Variants in SOX5 observed in about 807,000 individuals in gnomAD.
SOX5 encodes transcription factor SOX-5.
A neutral mutation model predicts 92.0 loss-of-function variants in SOX5; 9 were observed. That is an observed-to-expected ratio of 0.10 (90% CI 0.06 to 0.17). The LOEUF is 0.17. SOX5 is among the 10% of genes least tolerant of loss of function. SOX5 has a pLI of 1.00. For synonymous variants in SOX5, 344 were observed against 336.3 expected (o/e 1.02, Z -0.25); for missense variants, 642 against 944.5 (o/e 0.68, Z 4.20).
intron 2 of SOX5, among the ~76,000 whole-genome samples, chr12:24,338,841 T>C (rs1952226402): frequency 6.6e-6 from 1 of 152,156 alleles, no homozygotes; most frequent in African/African-American, 2.4e-5. Flanking sequence ...CCTTCCATCA[T>C]GATTGTGAGG....
intron 2 of SOX5, among the ~76,000 whole-genome samples, chr12:23,892,245 T>C (rs746797669): frequency 3.9e-5 from 6 of 152,100 alleles, no homozygotes; most frequent in Non-Finnish European, 7.4e-5. Context: ...TTGAACTGAG[T>C]CTTATGGGAG....
intron 3 of SOX5, among the ~76,000 whole-genome samples, chr12:23,822,120 C>G (rs1021730923): frequency 6.6e-6 from 1 of 152,136 alleles, no homozygotes; most frequent in Admixed American, 6.5e-5. Context: ...GTCTCTATCT[C>G]CTTCAGTTCT....
intron 7 of SOX5, among the ~76,000 whole-genome samples, chr12:23,656,908 T>C (rs2082374504): frequency 6.6e-6 from 1 of 152,046 alleles, no homozygotes; most frequent in Admixed American, 6.6e-5. Flanking sequence ...GTTTGTTTTC[T>C]ACAATTCTCC....
intron 4 of SOX5, among the ~76,000 whole-genome samples, chr12:24,053,301 T>A (rs1957759169): frequency 1.3e-5 from 2 of 151,928 alleles, no homozygotes. Context: ...CCAATTTTTT[T>A]ATACTGTTAG....
intron 8 of SOX5, among the ~76,000 whole-genome samples, chr12:23,621,294 A>C (rs1249236806): frequency 6.6e-6 from 1 of 152,082 alleles, no homozygotes; most frequent in African/African-American, 2.4e-5. Context: ...GGATGGGGGA[A>C]GAGGAAATAA....
At chr12:23,885,674 A>G (rs1177429692) in intron 2 of SOX5, among the ~76,000 whole-genome samples, 1 of 152,162 alleles carries the variant, frequency 6.6e-6, no homozygotes, top group East Asian at 1.9e-4. Flanking sequence ...TACATGGATC[A>G]TTCCTAAAAA....
At chr12:23,863,697 T>C (rs765741700) in intron 2 of SOX5, among the ~76,000 whole-genome samples, 12 of 152,120 alleles carry the variant, frequency 7.9e-5, no homozygotes, top group East Asian at 1.9e-4. Flanking sequence ...ATACTACTTA[T>C]AATTGGCTAC....
chr12:24,302,522 A>G (rs1565863686), intron 2 of SOX5, among the ~76,000 whole-genome samples: 1 of 152,164 alleles, frequency 6.6e-6, no homozygotes, highest in African/African-American at 2.4e-5. Flanking sequence ...GCAGGCTCTG[A>G]AAAAGTATAA....
chr12:23,950,176 A>G (rs1054330793), upstream of SOX5, among the ~76,000 whole-genome samples: 1 of 151,992 alleles, frequency 6.6e-6, no homozygotes, highest in Non-Finnish European at 1.5e-5. Flanking sequence ...AAAAAATTTA[A>G]TGTTAGTAAT....
At chr12:23,880,702 T>C (rs925515649) in intron 2 of SOX5, among the ~76,000 whole-genome samples, 3 of 152,210 alleles carry the variant, frequency 2.0e-5, no homozygotes, top group African/African-American at 7.2e-5. Context: ...TCTAGTTTTC[T>C]TGGGCTATCC....
rs567112366 is a variant in SOX5 at position 23,614,405 on chromosome 12, T to A, written c.1018-9872A>T. On this transcript the variant is annotated intron_variant, in intron 8 of 14. Coordinates refer to ENST00000451604, the MANE Select transcript of SOX5 (RefSeq NM_006940.6). ...TTTGTTGTCCCCACTACTGGGGCAA[T>A]GCTGGAAGAGACTGTAGAAAAAGAG... Among the ~76,000 whole-genome samples the A allele has an allele frequency of 6.2e-4, 94 of 152,356 alleles. 2 individuals carry two copies. The South Asian group carries it at 0.016, about 26-fold the overall frequency.
At chr12:23,701,029 T>A (rs1437567143) in intron 6 of SOX5, among the ~76,000 whole-genome samples, 1 of 151,962 alleles carries the variant, frequency 6.6e-6, no homozygotes, top group African/African-American at 2.4e-5. Flanking sequence ...GCTTACAAAT[T>A]AAAATTTACT....
At chr12:24,217,541 C>A (rs188117071) in intron 3 of SOX5, among the ~76,000 whole-genome samples, 17 of 152,220 alleles carry the variant, frequency 1.1e-4, no homozygotes, top group Non-Finnish European at 1.2e-4. Flanking sequence ...CTATAAAAGT[C>A]TTAGAAGAAA....
intron 4 of SOX5, among the ~76,000 whole-genome samples, chr12:24,046,715 TG>T (rs2137063269): frequency 6.6e-6 from 1 of 151,558 alleles, no homozygotes; most frequent in South Asian, 2.1e-4. Context: ...CTCTTGCTTT[TG>T]TTGCCCAGGC....
At chr12:23,946,821 T>C (rs1426372207) in intron 1 of SOX5, among the ~76,000 whole-genome samples, 2 of 152,132 alleles carry the variant, frequency 1.3e-5, no homozygotes, top group East Asian at 3.9e-4. Flanking sequence ...ATAATCAGTT[T>C]ATCACAAGAA....
chr12:24,287,037 C>CT (rs1304150141), intron 2 of SOX5, among the ~76,000 whole-genome samples: 1 of 152,172 alleles, frequency 6.6e-6, no homozygotes, highest in Non-Finnish European at 1.5e-5. Flanking sequence ...GGTCATGTAG[C>CT]TTTAAGACCC....
chr12:24,229,301 G>T (rs774078124), intron 3 of SOX5, among the ~76,000 whole-genome samples: 3 of 152,204 alleles, frequency 2.0e-5, no homozygotes, highest in Non-Finnish European at 4.4e-5. Context: ...AAATAGCCCC[G>T]GTTTGATTCT....
At chr12:23,839,120 A>G (rs1189752487) in intron 3 of SOX5, among the ~76,000 whole-genome samples, 2 of 151,480 alleles carry the variant, frequency 1.3e-5, no homozygotes, top group Admixed American at 6.6e-5. Flanking sequence ...GAGTGCTGGG[A>G]TTACAGGTGT....
At chr12:24,431,731 T>C (rs923526821) in intron 1 of SOX5, among the ~76,000 whole-genome samples, 7 of 152,208 alleles carry the variant, frequency 4.6e-5, no homozygotes, top group African/African-American at 1.7e-4. Context: ...CACTGCTTGG[T>C]ACCCAAGAAG....
Sources: gnomAD v4.1 joint callset for allele counts (sites outside exome capture counted in the v4.1 genomes callset) on GRCh38, gnomAD v4.1.1 for gene constraint, MANE v1.5 for transcripts, NCBI Gene and HGNC (gene_info 2026-07-23, HGNC 2026-07-21) for gene names.